The following VKORC1L1 variants were observed in gnomAD, a reference collection of about 807,000 sequenced individuals.
VKORC1L1 encodes vitamin K epoxide reductase complex subunit 1-like protein 1.
In VKORC1L1, 2 loss-of-function variants were observed where a neutral mutation model predicts 18.9. The ratio of observed to expected loss-of-function variants is 0.11; its 90% confidence interval spans 0.04 to 0.33. VKORC1L1 has a LOEUF of 0.33. Ranked by LOEUF, VKORC1L1 falls within the 10% of genes least tolerant of loss-of-function variation. The pLI, the probability that VKORC1L1 is intolerant of heterozygous loss-of-function variation, is 1.00. For synonymous variants in VKORC1L1, 96 were observed against 100.0 expected, an observed-to-expected ratio of 0.96 and a Z score of 0.24; for missense variants, 123 against 224.1, an observed-to-expected ratio of 0.55 and a Z score of 2.88.
intron 1 of VKORC1L1, among the ~76,000 whole-genome samples, chr7:65,910,064 C>T (rs1415836495): frequency 6.6e-6 from 1 of 151,920 alleles, no homozygotes; most frequent in East Asian, 1.9e-4. Flanking sequence ...CTGTTGCTTT[C>T]CTTCCTCGTA....
At chr7:65,915,579 A>C (rs530280257) in intron 1 of VKORC1L1, among the ~76,000 whole-genome samples, 332 of 151,462 alleles carry the variant, frequency 2.2e-3, no homozygotes, top group Non-Finnish European at 3.6e-3. Context: ...TGGTACCTTT[A>C]ATCTGTAATT....
rs572151126 is a variant in VKORC1L1, at chr7:65,942,166, T to A, written c.195-6505T>A. 2.0e-5 allele frequency among the ~76,000 whole-genome samples: 3 copies of A among 152,240 alleles called. No individual in the cohort carries two copies. The East Asian group carries it at 5.8e-4, about 29-fold the overall frequency. On this transcript the variant is annotated intron_variant, in intron 1 of 2. Coordinates refer to ENST00000360768, the MANE Select transcript of VKORC1L1 (RefSeq NM_173517.6). Reference sequence around the variant, plus strand: ...TGGGACCAGAGGATGAAAGCAATGATATTTCTAGTAAAACTACTGACAGAG... The same window carrying A: ...TGGGACCAGAGGATGAAAGCAATGAAATTTCTAGTAAAACTACTGACAGAG...
intron 1 of VKORC1L1, among the ~76,000 whole-genome samples, chr7:65,932,395 C>T (rs1274095463): frequency 6.6e-6 from 1 of 152,138 alleles, no homozygotes; most frequent in Non-Finnish European, 1.5e-5. Context: ...CTACACCTGG[C>T]CTGTTCTTTT....
chr7:65,952,813 TAA>T (rs1227401072), intron 2 of VKORC1L1, among the ~76,000 whole-genome samples: 1 of 124,020 alleles, frequency 8.1e-6, no homozygotes, highest in African/African-American at 3.0e-5. Context: ...GAGACAGAGT[TAA>T]GACTCTGTCG....
At chr7:65,910,381 C>T (rs761617977) in intron 1 of VKORC1L1, among the ~76,000 whole-genome samples, 3 of 152,102 alleles carry the variant, frequency 2.0e-5, no homozygotes, top group Admixed American at 2.0e-4. Flanking sequence ...AGATCACACA[C>T]CAAGCAGTGT....
chr7:65,884,776 T>A (rs1182666480), intron 1 of VKORC1L1, among the ~76,000 whole-genome samples: 2 of 152,200 alleles, frequency 1.3e-5, no homozygotes, highest in Admixed American at 6.5e-5. Context: ...ATATGAAAAT[T>A]GTCATGTTAT....
intron 1 of VKORC1L1, among the ~76,000 whole-genome samples, chr7:65,914,748 C>T (rs532845168): frequency 6.6e-5 from 10 of 152,250 alleles, no homozygotes; most frequent in African/African-American, 2.4e-4. Flanking sequence ...CCCTGTAAGT[C>T]CAGGACTTTG....
intron 1 of VKORC1L1, among the ~76,000 whole-genome samples, chr7:65,889,973 T>C (rs1455087772): frequency 6.6e-6 from 1 of 152,056 alleles, no homozygotes; most frequent in Admixed American, 6.6e-5. Context: ...TTTTTGTTTT[T>C]GGAGACTGAG....
At chr7:65,887,500 T>C (rs1789035820) in intron 1 of VKORC1L1, among the ~76,000 whole-genome samples, 1 of 151,748 alleles carries the variant, frequency 6.6e-6, no homozygotes, top group South Asian at 2.1e-4. Flanking sequence ...AATTGTGCTA[T>C]GGCCTCCCTC....
chr7:65,955,899 C>T lies in VKORC1L1; in HGVS notation c.*1599C>T, dbSNP rs1409012972. On this transcript the variant is annotated 3_prime_UTR_variant, in exon 3 of 3. Transcript: ENST00000360768. ...GGGGACGGGCTCTGCTCTGTAAACTCAAATGTGTAGAGTCAGCAACAATTC... is the reference window on the plus strand; with the variant it reads ...GGGGACGGGCTCTGCTCTGTAAACTTAAATGTGTAGAGTCAGCAACAATTC... 6.6e-6 allele frequency: 1 copy of T among 152,170 alleles called. No homozygotes were observed. Among genetic ancestry groups the T allele is most frequent in the African/African-American group, 2.4e-5 (1 of 41,446 alleles). 9.4% of individuals were successfully genotyped at this position (152,170 alleles called of 1,614,324 possible).
In VKORC1L1 at chr7:65,932,132, C is replaced by T. The variant is rs144990796; in HGVS notation, c.195-16539C>T. The stretch of plus-strand genomic sequence containing the variant: ...TGTTGTTTTGAGGCAGGGTATCATG[C>T]TGTTGCCCAGGCTGGAGTGCAGTGG... On this transcript the variant is annotated intron_variant, in intron 1 of 2. Transcript: ENST00000360768. Among the ~76,000 whole-genome samples, 165 of 152,134 alleles carry T rather than the reference C, an allele frequency of 1.1e-3. 2 individuals carry two copies. Among genetic ancestry groups the T allele is most frequent in the African/African-American group, 3.8e-3 (156 of 41,500 alleles).
chr7:65,884,157 CTT>C (rs1788974687), intron 1 of VKORC1L1, among the ~76,000 whole-genome samples: 1 of 152,170 alleles, frequency 6.6e-6, no homozygotes, highest in Admixed American at 6.5e-5. Flanking sequence ...CACTTGATCT[CTT>C]GTCTCAGCTT....
intron 1 of VKORC1L1, among the ~76,000 whole-genome samples, chr7:65,946,845 A>G (rs1790126482): frequency 1.3e-5 from 2 of 152,124 alleles, no homozygotes; most frequent in African/African-American, 2.4e-5. Context: ...TTTGAAATGT[A>G]TAACTGAAGG....
At position 65,948,761 on chromosome 7, in the gene VKORC1L1, T is replaced by C. The variant is rs753992142; in HGVS notation, c.285T>C (p.Tyr95=). The change falls in exon 2 of 3, where the codon TAT becomes TAC. Residue 95 remains tyrosine, a synonymous_variant. Coordinates refer to ENST00000360768, the MANE Select transcript of VKORC1L1 (RefSeq NM_173517.6). ...QPNSVFGLIF[Y]ILQLLLGMTA... is the part of the protein sequence containing the mutation. ...ACAGTGTCTTTGGACTTATATTTTA[T>C]ATACTACAGTTATTACTTGGTAAGT... 6.8e-6 allele frequency: 7 copies of C among 1,031,188 alleles called. No homozygotes were observed. The Admixed American group carries it at 2.0e-4, about 30-fold the overall frequency. The allele number at this position is 1,031,188 out of a possible 1,614,324, so 63.9% of individuals were successfully genotyped here.
chr7:65,872,206 CTT>C (rs376126458), upstream of VKORC1L1, among the ~76,000 whole-genome samples: 81 of 152,216 alleles, frequency 5.3e-4, 1 homozygote, highest in African/African-American at 1.9e-3. Context: ...TTTATTCTGA[CTT>C]TTCTTTTTCT....
At chr7:65,904,938 ATATG>A (rs1789380057) in intron 1 of VKORC1L1, among the ~76,000 whole-genome samples, 2 of 152,156 alleles carry the variant, frequency 1.3e-5, no homozygotes, top group African/African-American at 2.4e-5. Context: ...ATGTATGTAT[ATATG>A]TATGTTATAC....
At position 65,954,716 on chromosome 7, in the gene VKORC1L1, T is replaced by C. The variant is rs2115760456; in HGVS notation, c.*416T>C. 5.2e-6 allele frequency: 1 copy of C among 193,656 alleles called. No homozygotes were observed. The highest frequency in any genetic ancestry group is 1.4e-4 in the East Asian group (1 of 7,306). 12.0% of individuals were successfully genotyped at this position (193,656 alleles called of 1,614,324 possible). On this transcript the variant is annotated 3_prime_UTR_variant, in exon 3 of 3. Coordinates refer to ENST00000360768, the MANE Select transcript of VKORC1L1 (RefSeq NM_173517.6). ...ATAGATACTGTATTAAATATTGCCATGTTTACAATATGTAATATGTTTTTA... is the reference window on the plus strand; with the variant it reads ...ATAGATACTGTATTAAATATTGCCACGTTTACAATATGTAATATGTTTTTA...
chr7:65,873,183 TG>T lies in VKORC1L1; in HGVS notation c.-186del. 1.4e-6 allele frequency: 1 copy of T among 719,820 alleles called. No homozygotes were observed. The highest frequency in any genetic ancestry group is 1.3e-4 in the East Asian group (1 of 7,422). 44.6% of individuals were successfully genotyped at this position (719,820 alleles called of 1,614,324 possible). On this transcript the variant is annotated 5_prime_UTR_variant, in exon 1 of 3. Transcript: ENST00000360768. ...TCCGCCTCACTCCTTTTGGGGCGGTTGGGCCGCGCGCCTGTGGGGGCGGGGC... is the reference window on the plus strand; with the variant it reads ...TCCGCCTCACTCCTTTTGGGGCGGTTGGCCGCGCGCCTGTGGGGGCGGGGC...
intron 1 of VKORC1L1, among the ~76,000 whole-genome samples, chr7:65,893,847 C>G (rs554697182): frequency 6.6e-6 from 1 of 152,222 alleles, no homozygotes; most frequent in South Asian, 2.1e-4. Context: ...TATGTGTGGC[C>G]CTGGGCCCTG....
Sources: allele counts gnomAD v4.1 joint callset (sites outside exome capture counted in the v4.1 genomes callset), GRCh38; gene constraint gnomAD v4.1.1; transcripts MANE v1.5; gene names NCBI Gene and HGNC (gene_info 2026-07-23, HGNC 2026-07-21).